EFTUD2: variants seen among roughly 807,000 people sequenced by gnomAD.
The protein encoded by EFTUD2 is 116 kDa U5 small nuclear ribonucleoprotein component.
In EFTUD2, 9 loss-of-function variants were observed where a neutral mutation model predicts 114.3. The observed-to-expected ratio is 0.08, with a 90% CI of 0.05 to 0.14. The LOEUF (loss-of-function observed/expected upper bound fraction) is 0.14, where lower values mean the gene tolerates loss of function less well. EFTUD2 is among the 10% of genes least tolerant of loss of function. EFTUD2 has a pLI of 1.00. For synonymous variants in EFTUD2, 449 were observed against 462.3 expected (o/e 0.97, Z 0.37); for missense variants, 765 against 1,241.2 (o/e 0.62, Z 5.76).
intron 10 of EFTUD2, among the ~76,000 whole-genome samples, chr17:44,875,094 A>G (rs2050921530): frequency 2.0e-5 from 3 of 152,164 alleles, no homozygotes; most frequent in Non-Finnish European, 4.4e-5. Context: ...GGCTGGGTGC[A>G]GCGGCTCAAA....
chr17:44,877,590 G>C (rs1380695069), intron 9 of EFTUD2, among the ~76,000 whole-genome samples: 1 of 152,176 alleles, frequency 6.6e-6, no homozygotes, highest in African/African-American at 2.4e-5. Context: ...TGGACTACTT[G>C]AGGTCAGGAG....
At chr17:44,870,003 T>C (rs1306377278) in intron 11 of EFTUD2, among the ~76,000 whole-genome samples, 1 of 152,230 alleles carries the variant, frequency 6.6e-6, no homozygotes, top group Admixed American at 6.5e-5. Flanking sequence ...GGATTCTAGT[T>C]CCTACTCTAT....
At position 44,852,423 on chromosome 17, in the gene EFTUD2, A is replaced by C; in HGVS notation, c.2701T>G (p.Phe901Val). Residue 901 changes from phenylalanine (F) to valine (V), a missense_variant, in exon 26 of 28, where the codon TTC becomes GTC. Physicochemically the swap from Phe to Val is conservative, Grantham distance 50. Around this residue, in one of 6 missense-constraint regions of EFTUD2, gnomAD observed 166 missense variants for 401.5 expected, o/e 0.41. Transcript: ENST00000426333. ...TGCTTTCTCACCTGCCAGTGGTGGA[A>C]GACAGACAGAGAAAAGGCTTGTCCC... ...TQGQAFSLSV[F>V]HHWQIVPGDP... The C allele has an allele frequency of 6.2e-7, 1 of 1,614,054 alleles. No individual in the cohort carries two copies. Among genetic ancestry groups the C allele is most frequent in the Non-Finnish European group, 8.5e-7 (1 of 1,180,002 alleles).
At chr17:44,859,750 GC>G in intron 18 of EFTUD2, 154 bp downstream of exon 18, 1 of 1,235,506 alleles carries the variant, frequency 8.1e-7, no homozygotes, top group South Asian at 1.4e-5. Context: ...GTCTTGTCCT[GC>G]CTTGACATGA....
chr17:44,863,132 G>A (rs1385540103), intron 15 of EFTUD2: 6 of 420,656 alleles, frequency 1.4e-5, no homozygotes, highest in Non-Finnish European at 2.5e-5. Context: ...GGGAGGATAA[G>A]GGCATTGAGG....
In EFTUD2 at chr17:44,860,001, G is replaced by A. The variant is rs987270514; in HGVS notation, c.1764C>T (p.Ile588=). ...GGTTGACTGGCTCCACAGCAATCTT[G>A]ATAACAGATGTGGTATTGAACTTCA... The part of the protein sequence containing the change: ...RPLKFNTTSV[I]KIAVEPVNPS... Residue 588 remains isoleucine, a synonymous_variant, in exon 18 of 28, where the codon ATC becomes ATT. Coordinates refer to ENST00000426333, the MANE Select transcript of EFTUD2 (RefSeq NM_004247.4). 1 of 1,614,052 alleles carries A rather than the reference G, an allele frequency of 6.2e-7. No individual in the cohort carries two copies. The highest frequency in any genetic ancestry group is 1.7e-5 in the Admixed American group (1 of 59,980).
intron 3 of EFTUD2, among the ~76,000 whole-genome samples, chr17:44,886,084 A>C (rs1346345213): frequency 6.6e-6 from 1 of 152,168 alleles, no homozygotes; most frequent in Non-Finnish European, 1.5e-5. Flanking sequence ...TAAAAATACA[A>C]AAATTAGCCA....
intron 11 of EFTUD2, 49 bp downstream of exon 11, chr17:44,872,397 C>A (rs754481848): frequency 8.7e-6 from 14 of 1,604,438 alleles, no homozygotes; most frequent in Non-Finnish European, 8.5e-7. Context: ...AGGAAAGGCA[C>A]ACAGGACTCA....
At chr17:44,890,564 T>C (rs2051261476) in intron 2 of EFTUD2, among the ~76,000 whole-genome samples, 1 of 151,692 alleles carries the variant, frequency 6.6e-6, no homozygotes, top group Non-Finnish European at 1.5e-5. Flanking sequence ...TGGACGCACA[T>C]GCCTGTAATC....
rs1466720228 is a variant in EFTUD2, at chr17:44,851,381, G to T, written c.2824-12C>A. On this transcript the variant is annotated splice_polypyrimidine_tract_variant and intron_variant, in intron 27 of 27. Coordinates refer to ENST00000426333, the MANE Select transcript of EFTUD2 (RefSeq NM_004247.4). The stretch of plus-strand genomic sequence containing the variant: ...TCTTCACTGAGGCCCTGCAGGGAAT[G>T]GGGCAAATATAAGAAAGCCCGAGGT... 6.2e-7 allele frequency: 1 copy of T among 1,607,732 alleles called. No individual in the cohort carries two copies. Among genetic ancestry groups the T allele is most frequent in the Non-Finnish European group, 8.5e-7 (1 of 1,174,910 alleles).
chr17:44,852,864 G>A (rs1419335036), intron 25 of EFTUD2, among the ~76,000 whole-genome samples: 1 of 144,974 alleles, frequency 6.9e-6, no homozygotes, highest in Non-Finnish European at 1.5e-5. Context: ...TCTGTGAGGA[G>A]GGGATCCCAA....
chr17:44,867,500 G>A (rs1023917316), intron 13 of EFTUD2, among the ~76,000 whole-genome samples: 3 of 151,752 alleles, frequency 2.0e-5, no homozygotes, highest in South Asian at 2.1e-4. Flanking sequence ...GGGTTTCATC[G>A]TGTTGCCTAG....
chr17:44,895,096 G>A (rs1371893375), intron 1 of EFTUD2, among the ~76,000 whole-genome samples: 2 of 152,152 alleles, frequency 1.3e-5, no homozygotes, highest in African/African-American at 4.8e-5. Context: ...AGCTAAGAAT[G>A]CTTTTTCACA....
At chr17:44,895,522 A>C (rs1377865501) in intron 1 of EFTUD2, among the ~76,000 whole-genome samples, 1 of 150,814 alleles carries the variant, frequency 6.6e-6, no homozygotes, top group Non-Finnish European at 1.5e-5. Context: ...AAAAAGTTTC[A>C]CTGGAAAACA....
At chr17:44,870,948 G>A (rs2050840714) in intron 11 of EFTUD2, among the ~76,000 whole-genome samples, 1 of 152,020 alleles carries the variant, frequency 6.6e-6, no homozygotes, top group Non-Finnish European at 1.5e-5. Flanking sequence ...AACCCAGGAG[G>A]TGGAGGTTGC....
At chr17:44,878,716 C>A (rs1399106579) in intron 9 of EFTUD2, among the ~76,000 whole-genome samples, 1 of 152,128 alleles carries the variant, frequency 6.6e-6, no homozygotes, top group Admixed American at 6.5e-5. Flanking sequence ...GAGAGAATTA[C>A]GAAGTAAATG....
In EFTUD2 at chr17:44,854,057, G is replaced by A. The variant is rs367678839; in HGVS notation, c.2347+212C>T. 2.1e-5 allele frequency: 29 copies of A among 1,389,550 alleles called. No individual in the cohort carries two copies. The highest frequency in any genetic ancestry group is 2.7e-4 in the Middle Eastern group (1 of 3,720). 86.1% of individuals were successfully genotyped at this position (1,389,550 alleles called of 1,614,324 possible). Reference sequence around the variant, plus strand: ...CCCTTCTCAGAAATGAGGAGCAAATGACAGTTTAGAAATGACTTAAATTTC... The same window carrying A: ...CCCTTCTCAGAAATGAGGAGCAAATAACAGTTTAGAAATGACTTAAATTTC... On this transcript the variant is annotated intron_variant, in intron 23 of 27. Coordinates refer to ENST00000426333, the MANE Select transcript of EFTUD2 (RefSeq NM_004247.4). This position sits in a 1 kb window ranked among gnomAD's most constrained non-coding sequence, Gnocchi z 4.3.
chr17:44,884,985 A>T (rs2051140476), intron 4 of EFTUD2, among the ~76,000 whole-genome samples: 1 of 152,246 alleles, frequency 6.6e-6, no homozygotes, highest in Non-Finnish European at 1.5e-5. Context: ...TCCAACAGTG[A>T]TAACTGCAAT....
intron 16 of EFTUD2, among the ~76,000 whole-genome samples, chr17:44,862,286 T>C (rs944056715): frequency 2.0e-5 from 3 of 152,004 alleles, no homozygotes; most frequent in Non-Finnish European, 2.9e-5. Context: ...AATTTAAAAA[T>C]TAGCCAGACA....
Sources: gnomAD v4.1 joint callset for allele counts (sites outside exome capture counted in the v4.1 genomes callset) on GRCh38, gnomAD v4.1.1 for gene constraint, gnomAD v4.1.1 regional missense constraint, Gnocchi (gnomAD v3.1) non-coding constraint, MANE v1.5 for transcripts, NCBI Gene and HGNC (gene_info 2026-07-23, HGNC 2026-07-21) for gene names.